The following NDOR1 variants were observed in gnomAD, a reference collection of about 807,000 sequenced individuals.
NDOR1 encodes the protein NADPH-dependent diflavin oxidoreductase 1.
NDOR1 carries 61 observed loss-of-function variants against 67.2 expected under a neutral mutation model. The ratio of observed to expected loss-of-function variants is 0.91; its 90% confidence interval spans 0.74 to 1.12. The LOEUF (loss-of-function observed/expected upper bound fraction) is 1.12. Among genes scored for constraint, NDOR1 ranks in the 50% most tolerant of loss-of-function variants. The pLI, the probability that NDOR1 is intolerant of heterozygous loss-of-function variation, is 0.00. For synonymous variants in NDOR1, 378 were observed against 343.7 expected, an observed-to-expected ratio of 1.10 and a Z score of -1.10; for missense variants, 878 against 802.8, an observed-to-expected ratio of 1.09 and a Z score of -1.13.
chr9:137,207,299 A>G (rs1271608744), intron 2 of NDOR1, among the ~76,000 whole-genome samples: 4 of 151,916 alleles, frequency 2.6e-5, no homozygotes, highest in East Asian at 3.9e-4. Flanking sequence ...TCCCCGGGAC[A>G]TGGAACGGAC....
intron 2 of NDOR1, among the ~76,000 whole-genome samples, chr9:137,206,683 TGAA>T (rs1564391429): frequency 9.2e-5 from 14 of 152,198 alleles, no homozygotes; most frequent in Non-Finnish European, 1.6e-4. Flanking sequence ...GATCCAGCTG[TGAA>T]CCCAGCAGCC....
rs770085361 is a variant in NDOR1, at chr9:137,215,111, C to T, written c.1082C>T (p.Pro361Leu). 32 of 1,613,800 alleles carry T rather than the reference C, an allele frequency of 2.0e-5. No individual in the cohort carries two copies. The Middle Eastern group carries it at 5.0e-4, about 25-fold the overall frequency. ...TTTGCCTAGGTGCTCTGTGACTTCC[C>T]GCACACAGCTGCCGCCATCCCTCCC... ...RTILEVLCDFPHTAAAIPPDY... is the reference protein window; with the variant it reads ...RTILEVLCDFLHTAAAIPPDY... The change falls in exon 9 of 14, where the codon CCG becomes CTG. Residue 361 changes from proline (P) to leucine (L), a missense_variant. Pro to Leu is a moderately conservative substitution (Grantham distance 98, BLOSUM62 -3). Coordinates refer to ENST00000684003, the MANE Select transcript of NDOR1 (RefSeq NM_014434.4).
Position 137,218,864 on chromosome 9 carries a change from T to C in NDOR1, c.*2448T>C, listed in dbSNP as rs1835757655. The C allele has an allele frequency of 1.6e-5, 6 of 380,882 alleles. No individual in the cohort carries two copies. The highest frequency in any genetic ancestry group is 2.1e-5 in the African/African-American group (1 of 48,274). 23.6% of individuals were successfully genotyped at this position (380,882 alleles called of 1,614,324 possible). A position where few individuals can be genotyped will look rare whatever the true frequency, so the allele number is the denominator to read the frequency against. On this transcript the variant is annotated 3_prime_UTR_variant, in exon 14 of 14. Coordinates refer to ENST00000684003, the MANE Select transcript of NDOR1 (RefSeq NM_014434.4). ...GACACCAGCGCCCAAGGACAGCTCC[T>C]GGAGGAGGCCAGCCCAGCAGGAAAG...
At position 137,214,585 on chromosome 9, in the gene NDOR1, T is replaced by A. The variant is rs62587578; in HGVS notation, c.738T>A (p.Asp246Glu). Residue 246 changes from aspartate to glutamate, a missense_variant, in exon 7 of 14, where the codon GAT (aspartate) becomes GAA (glutamate). By Grantham distance (45) the Asp-to-Glu change is conservative. Transcript: ENST00000684003. The part of the protein sequence containing the change: ...LGSGISFAAG[D>E]VVLIQPSNSA... ...TTCCACACAGCTTTGCTGCTGGTGA[T>A]GTGGTGCTGATTCAGCCCTCCAACT... 6.2e-7 allele frequency: 1 copy of A among 1,611,516 alleles called. No individual in the cohort carries two copies. The highest frequency in any genetic ancestry group is 1.1e-5 in the South Asian group (1 of 91,080).
Position 137,205,785 on chromosome 9 carries a change from G to C in NDOR1, c.8G>C (p.Ser3Thr). 1 of 1,604,076 alleles carries C rather than the reference G, an allele frequency of 6.2e-7. No individual in the cohort carries two copies. Among genetic ancestry groups the C allele is most frequent in the South Asian group, 1.1e-5 (1 of 91,086 alleles). The change falls in exon 1 of 14, where the codon AGC (serine) becomes ACC (threonine). Residue 3 changes from serine (S) to threonine (T), a missense_variant. Transcript: ENST00000684003. MPSPQLLVLFGSQ... is the reference protein window; with the variant it reads MPTPQLLVLFGSQ... ...ACCACCGGGCGCACCCCGATGCCGAGCCCGCAGCTTCTGGTGCTCTTCGGC... is the reference window on the plus strand; with the variant it reads ...ACCACCGGGCGCACCCCGATGCCGACCCCGCAGCTTCTGGTGCTCTTCGGC...
chr9:137,206,120 C>G (rs1372613313), intron 1 of NDOR1, 112 bp from the exon 2 acceptor site: 3 of 1,484,364 alleles, frequency 2.0e-6, no homozygotes, highest in Non-Finnish European at 2.8e-6. Context: ...TGGCTGCTCA[C>G]ATAAATCCCT....
Position 137,214,618 on chromosome 9 carries a change from C to G in NDOR1, c.771C>G (p.Ala257=), listed in dbSNP as rs368103202. Residue 257 remains alanine, a synonymous_variant, in exon 7 of 14, where the codon GCC becomes GCG. Coordinates refer to ENST00000684003, the MANE Select transcript of NDOR1 (RefSeq NM_014434.4). ...VVLIQPSNSA[A]HVQRFCQVLG... The stretch of plus-strand genomic sequence containing the variant: ...TGATTCAGCCCTCCAACTCGGCTGC[C>G]CATGTCCAGCGGTTCTGCCAGGTGC... 2 of 1,610,342 alleles carry G rather than the reference C, an allele frequency of 1.2e-6. No homozygotes were observed. The highest frequency in any genetic ancestry group is 2.7e-5 in the African/African-American group (2 of 74,932).
At chr9:137,205,996 G>T (rs893305865) in intron 1 of NDOR1, 84 bp downstream of exon 1, 5 of 1,487,330 alleles carry the variant, frequency 3.4e-6, no homozygotes, top group African/African-American at 1.4e-5. Flanking sequence ...AAAAGGCGTC[G>T]CATTTTCTCT....
intron 3 of NDOR1, among the ~76,000 whole-genome samples, chr9:137,213,170 C>T (rs992777170): frequency 6.6e-6 from 1 of 152,254 alleles, no homozygotes; most frequent in African/African-American, 2.4e-5. Flanking sequence ...TCGGAGACAG[C>T]TCCCCCCGGT....
In NDOR1 at chr9:137,214,075, G is replaced by A. The variant is rs1379278360; in HGVS notation, c.512+7G>A. 3 of 1,536,654 alleles carry A rather than the reference G, an allele frequency of 2.0e-6. No individual in the cohort carries two copies. Among genetic ancestry groups the A allele is most frequent in the African/African-American group, 1.4e-5 (1 of 73,038 alleles). On this transcript the variant is annotated splice_region_variant and intron_variant, in intron 5 of 13. Coordinates refer to ENST00000684003, the MANE Select transcript of NDOR1 (RefSeq NM_014434.4). ...AGATCCCTCCCGGAGTCCCGTGAGT[G>A]TGGGCCCCGGGTCACCCACAGGCGC...
At position 137,214,267 on chromosome 9, in the gene NDOR1, G is replaced by T; in HGVS notation, c.576G>T (p.Gln192His). ...QEAPSTGSEG[Q>H]RVAHPGSQEP... ...CACCCAGCACGGGCTCTGAGGGGCA[G>T]CGGGTAGCTCACCCCGGCTCTCAGG... The change falls in exon 6 of 14, where the codon CAG (glutamine) becomes CAT (histidine). Residue 192 changes from glutamine (Q) to histidine (H), a missense_variant. Transcript: ENST00000684003. The T allele has an allele frequency of 1.2e-6, 2 of 1,613,638 alleles. No individual in the cohort carries two copies. The highest frequency in any genetic ancestry group is 1.7e-6 in the Non-Finnish European group (2 of 1,180,016).
At chr9:137,210,938 C>T (rs897052920) in intron 2 of NDOR1, among the ~76,000 whole-genome samples, 1 of 151,936 alleles carries the variant, frequency 6.6e-6, no homozygotes, top group Admixed American at 6.6e-5. Context: ...GTTAGGAGTT[C>T]GAGACCAGCT....
chr9:137,216,839 G>A lies in NDOR1; in HGVS notation c.*423G>A. The stretch of plus-strand genomic sequence containing the variant: ...CACCTCGGCTGCTGCAGCCTGCCCA[G>A]CAGCACATTCCAGTCACTGCCCCCG... On this transcript the variant is annotated 3_prime_UTR_variant, in exon 14 of 14. Transcript: ENST00000684003. 1 of 226,132 alleles carries A rather than the reference G, an allele frequency of 4.4e-6. No individual in the cohort carries two copies. The highest frequency in any genetic ancestry group is 8.9e-6 in the Non-Finnish European group (1 of 112,064). 14.0% of individuals were successfully genotyped at this position (226,132 alleles called of 1,614,324 possible). A position where few individuals can be genotyped will look rare whatever the true frequency, so the allele number is the denominator to read the frequency against.
chr9:137,216,533 C>G lies in NDOR1; in HGVS notation c.*117C>G, dbSNP rs928479739. 66 of 1,333,752 alleles carry G rather than the reference C, an allele frequency of 4.9e-5. No individual in the cohort carries two copies. In the African/African-American group the frequency reaches 8.7e-4, roughly 18 times the overall value. The allele number at this position is 1,333,752 out of a possible 1,614,324, so 82.6% of individuals were successfully genotyped here. ...CCTCTCGGACCAGCCAGCTGGTCCT[C>G]TGGGAACAGCCAGCTCCCGAGCACA... is the stretch of plus-strand genomic sequence containing the variant. On this transcript the variant is annotated 3_prime_UTR_variant, in exon 14 of 14. Transcript: ENST00000684003.
At position 137,213,996 on chromosome 9, in the gene NDOR1, G is replaced by A. The variant is rs151228457; in HGVS notation, c.440G>A (p.Arg147Gln). ...GACGCTGCTGTGGACCCCTGGCTGC[G>A]AGACTTGTGGGACAGGGTTCTGGGG... The part of the protein sequence containing the change: ...GPDAAVDPWL[R>Q]DLWDRVLGLY... Residue 147 changes from arginine (R) to glutamine (Q), a missense_variant, in exon 5 of 14, where the codon CGA becomes CAA. Transcript: ENST00000684003. 465 of 1,554,914 alleles carry A rather than the reference G, an allele frequency of 3.0e-4. 2 individuals are homozygous for A. In the African/African-American group the frequency reaches 5.7e-3, roughly 19 times the overall value.
rs1180586332 is a variant in NDOR1, at chr9:137,215,760, C to G, written c.1390C>G (p.Pro464Ala). Residue 464 changes from proline to alanine, a missense_variant, in exon 11 of 14, where the codon CCC (proline) becomes GCC (alanine). Physicochemically the swap from Pro to Ala is conservative, Grantham distance 27 (BLOSUM62 -1). Transcript: ENST00000684003. ...IMVGPGTGVA[P>A]FRAAIQERVA... Reference sequence around the variant, plus strand: ...GGTGGGGCCTGGCACTGGGGTAGCCCCCTTCCGAGCAGCCATCCAGGAGCG... The same window carrying G: ...GGTGGGGCCTGGCACTGGGGTAGCCGCCTTCCGAGCAGCCATCCAGGAGCG... The G allele has an allele frequency of 6.3e-7, 1 of 1,599,768 alleles. No homozygotes were observed. The highest frequency in any genetic ancestry group is 8.5e-7 in the Non-Finnish European group (1 of 1,172,206).
At position 137,216,161 on chromosome 9, in the gene NDOR1, G is replaced by T. The variant is rs377338578; in HGVS notation, c.1622G>T (p.Arg541Leu). Residue 541 changes from arginine (R) to leucine (L), a missense_variant, in exon 13 of 14, where the codon CGC becomes CTC. Arg to Leu is a moderately radical substitution (Grantham distance 102, BLOSUM62 -2). Coordinates refer to ENST00000684003, the MANE Select transcript of NDOR1 (RefSeq NM_014434.4). The stretch of plus-strand genomic sequence containing the variant: ...TCGCTTGTGTGGGAACTGCTGGACC[G>T]CCAGGGTGCATACTTCTACCTGGCA... ...LGSLVWELLD[R>L]QGAYFYLAGN... is the part of the protein sequence containing the mutation. 5 of 1,613,566 alleles carry T rather than the reference G, an allele frequency of 3.1e-6. No homozygotes were observed. Among genetic ancestry groups the T allele is most frequent in the Non-Finnish European group, 4.2e-6 (5 of 1,180,032 alleles).
At position 137,212,601 on chromosome 9, in the gene NDOR1, T is replaced by C; in HGVS notation, c.311+2T>C. On this transcript the variant is annotated splice_donor_variant, in intron 3 of 13. Transcript: ENST00000684003. LOFTEE classifies it high-confidence loss of function. The surrounding 1 kb of genome is among the most constrained non-coding windows in gnomAD (Gnocchi z 4.3). The stretch of plus-strand genomic sequence containing the variant: ...CCTCGGGGACTCCTCATACGCCAAG[T>C]GAGTAGGGGATGGGACAGTGGGCGG... The C allele has an allele frequency of 6.2e-7, 1 of 1,611,584 alleles. No homozygotes were observed. Among genetic ancestry groups the C allele is most frequent in the Non-Finnish European group, 8.5e-7 (1 of 1,177,996 alleles).
In NDOR1 at chr9:137,218,576, G is replaced by A. The variant is rs976964420; in HGVS notation, c.*2160G>A. On this transcript the variant is annotated 3_prime_UTR_variant, in exon 14 of 14. Coordinates refer to ENST00000684003, the MANE Select transcript of NDOR1 (RefSeq NM_014434.4). ...GCTCCTGCTGCTGGGACTGCTCTTC[G>A]TGCTCCTGGACCGCTCTGGCCGCTG... 23 of 399,458 alleles carry A rather than the reference G, an allele frequency of 5.8e-5. No individual in the cohort carries two copies. The highest frequency in any genetic ancestry group is 2.7e-4 in the African/African-American group (13 of 48,612). 24.7% of individuals were successfully genotyped at this position (399,458 alleles called of 1,614,324 possible). A position where few individuals can be genotyped will look rare whatever the true frequency, so the allele number is the denominator to read the frequency against.
Sources: gnomAD v4.1 joint callset for allele counts (sites outside exome capture counted in the v4.1 genomes callset) on GRCh38, gnomAD v4.1.1 for gene constraint, Gnocchi (gnomAD v3.1) non-coding constraint, MANE v1.5 for transcripts, NCBI Gene and HGNC (gene_info 2026-07-23, HGNC 2026-07-21) for gene names.